Variants in FRMD4B observed in about 807,000 individuals in gnomAD.
FRMD4B encodes FERM domain containing 4B.
A neutral mutation model predicts 141.5 loss-of-function variants in FRMD4B; 74 were observed. That is an observed-to-expected ratio of 0.52 (90% CI 0.43 to 0.63). The LOEUF is 0.63. FRMD4B is among the 30% of genes least tolerant of loss of function. The pLI is 0.00. For missense variants in FRMD4B, 1,366 were observed against 1,253.4 expected (o/e 1.09, Z -1.36); for synonymous variants, 506 against 467.9 (o/e 1.08, Z -1.05).
chr3:69,410,209 A>G (rs1227457556), intron 2 of FRMD4B, among the ~76,000 whole-genome samples: 1 of 152,116 alleles, frequency 6.6e-6, no homozygotes, highest in African/African-American at 2.4e-5. Flanking sequence ...GCTCCTGACT[A>G]TTCCTCTCCT....
At chr3:69,536,499 C>G (rs1701087219) in intron 1 of FRMD4B, 4 of 697,184 alleles carry the variant, frequency 5.7e-6, no homozygotes, top group Non-Finnish European at 1.1e-5. Context: ...CCTAGCGCTA[C>G]TCCCCAGCCT....
At chr3:69,213,457 G>T (rs190517721) in intron 11 of FRMD4B, among the ~76,000 whole-genome samples, 1 of 151,054 alleles carries the variant, frequency 6.6e-6, no homozygotes, top group African/African-American at 2.4e-5. Context: ...TAATATTATT[G>T]ATTAGAAATT....
intron 5 of FRMD4B, among the ~76,000 whole-genome samples, chr3:69,283,249 G>A (rs1374597353): frequency 6.6e-6 from 1 of 151,804 alleles, no homozygotes; most frequent in Non-Finnish European, 1.5e-5. Context: ...GCTGGACGTG[G>A]TGTCAGGCGC....
Position 69,386,033 on chromosome 3 carries a change from G to T in FRMD4B, c.-44C>A. 9 of 1,482,916 alleles carry T rather than the reference G, an allele frequency of 6.1e-6. 1 individual carries two copies. The Middle Eastern group carries it at 8.9e-4, about 146-fold the overall frequency. The allele number at this position is 1,482,916 out of a possible 1,614,324, so 91.9% of individuals were successfully genotyped here. A position where few individuals can be genotyped will look rare whatever the true frequency, so the allele number is the denominator to read the frequency against. ...AACCCGGGCGTCCCGGCTCTCGTACGTGCAGCCCCGACCCCAGCGGCCTGC... is the reference window on the plus strand; with the variant it reads ...AACCCGGGCGTCCCGGCTCTCGTACTTGCAGCCCCGACCCCAGCGGCCTGC... On this transcript the variant is annotated 5_prime_UTR_variant, in exon 1 of 23. Transcript: ENST00000398540.
At chr3:69,468,458 T>G (rs772192088) in intron 1 of FRMD4B, among the ~76,000 whole-genome samples, 1 of 152,180 alleles carries the variant, frequency 6.6e-6, no homozygotes, top group Admixed American at 6.5e-5. Context: ...CTGTTTGTAT[T>G]TAAATCCCAG....
intron 1 of FRMD4B, among the ~76,000 whole-genome samples, chr3:69,456,249 A>AGAAG (rs1705610947): frequency 6.6e-6 from 1 of 151,696 alleles, no homozygotes; most frequent in Non-Finnish European, 1.5e-5. Context: ...GTTTGCACAA[A>AGAAG]GTAAGAAAAA....
intron 1 of FRMD4B, among the ~76,000 whole-genome samples, chr3:69,442,154 A>G (rs547374853): frequency 5.2e-4 from 79 of 151,202 alleles, no homozygotes; most frequent in African/African-American, 1.8e-3. Context: ...ATGCAATCAT[A>G]GCTTGCAGCC....
At chr3:69,186,233 T>A (rs192916668) in intron 19 of FRMD4B, among the ~76,000 whole-genome samples, 1,698 of 141,870 alleles carry the variant, frequency 0.012, 15 homozygotes, top group Middle Eastern at 0.019. Flanking sequence ...CATTTCTTTT[T>A]TTTTTCTTTT....
At chr3:69,483,491 A>G (rs1424923942) in intron 1 of FRMD4B, among the ~76,000 whole-genome samples, 1 of 152,228 alleles carries the variant, frequency 6.6e-6, no homozygotes, top group Non-Finnish European at 1.5e-5. Context: ...AAGTATGCCA[A>G]GGTTCAGGAT....
At chr3:69,325,142 T>C (rs953120084) in intron 1 of FRMD4B, among the ~76,000 whole-genome samples, 10 of 128,742 alleles carry the variant, frequency 7.8e-5, no homozygotes, top group Non-Finnish European at 1.4e-4. Context: ...AATTAATTGA[T>C]GGAGAGAACT....
At chr3:69,353,389 C>A (rs1193778482) in intron 1 of FRMD4B, among the ~76,000 whole-genome samples, 1 of 152,292 alleles carries the variant, frequency 6.6e-6, no homozygotes, top group South Asian at 2.1e-4. Flanking sequence ...TCCTTTTCTG[C>A]AAGTTGGGTT....
chr3:69,291,038 T>C (rs71302178), intron 4 of FRMD4B, among the ~76,000 whole-genome samples: 23,726 of 152,220 alleles, frequency 0.16, 2,283 homozygotes, highest in East Asian at 0.37. Flanking sequence ...GTGTTCTCTA[T>C]TGCTTCAATA....
chr3:69,451,324 A>C (rs962603312), intron 1 of FRMD4B, among the ~76,000 whole-genome samples: 2 of 152,226 alleles, frequency 1.3e-5, no homozygotes, highest in Non-Finnish European at 2.9e-5. Context: ...CTCCAGAAAG[A>C]ACTGTTGGCC....
chr3:69,524,680 T>C (rs537309393), intron 1 of FRMD4B, among the ~76,000 whole-genome samples: 2 of 152,230 alleles, frequency 1.3e-5, no homozygotes, highest in East Asian at 3.9e-4. Context: ...ACCTCCTTAA[T>C]CTAGCTCAAG....
intron 1 of FRMD4B, among the ~76,000 whole-genome samples, chr3:69,351,017 C>G (rs1703128531): frequency 6.6e-6 from 1 of 151,590 alleles, no homozygotes; most frequent in Non-Finnish European, 1.5e-5. Context: ...GAAAATAAAC[C>G]AATACAAGAC....
At chr3:69,276,909 G>C (rs1307377797) in intron 5 of FRMD4B, among the ~76,000 whole-genome samples, 1 of 152,206 alleles carries the variant, frequency 6.6e-6, no homozygotes, top group African/African-American at 2.4e-5. Flanking sequence ...AGGTTGCAGT[G>C]AGCCGAGATT....
intron 4 of FRMD4B, among the ~76,000 whole-genome samples, chr3:69,289,494 A>G (rs1401739837): frequency 6.6e-6 from 1 of 152,194 alleles, no homozygotes; most frequent in African/African-American, 2.4e-5. Flanking sequence ...CACAACCTGT[A>G]GCTCAACAAT....
intron 22 of FRMD4B, 63 bp downstream of exon 22, chr3:69,176,461 A>C: frequency 7.2e-7 from 1 of 1,393,518 alleles, no homozygotes; most frequent in Non-Finnish European, 1.0e-6. Flanking sequence ...TTTGTAAATT[A>C]GGATCCCTGA....
At chr3:69,313,571 C>G (rs2314992) in intron 1 of FRMD4B, 54 bp from the exon 2 acceptor site, 1 of 1,088,776 alleles carries the variant, frequency 9.2e-7, no homozygotes, top group Admixed American at 2.0e-5. Context: ...GCAAGCAAAC[C>G]TTTGGACTCG....
Sources: gnomAD v4.1 joint callset for allele counts (sites outside exome capture counted in the v4.1 genomes callset) on GRCh38, gnomAD v4.1.1 for gene constraint, MANE v1.5 for transcripts, NCBI Gene and HGNC (gene_info 2026-07-23, HGNC 2026-07-21) for gene names.